Variants in ROBO2 observed in about 807,000 individuals in gnomAD.
ROBO2 encodes the protein roundabout guidance receptor 2.
A neutral mutation model predicts 160.8 loss-of-function variants in ROBO2; 53 were observed. That is an observed-to-expected ratio of 0.33 (90% CI 0.26 to 0.41). The LOEUF (loss-of-function observed/expected upper bound fraction) is 0.41, where lower values mean the gene tolerates loss of function less well. ROBO2 is among the 10% of genes least tolerant of loss of function. The probability of loss-of-function intolerance (pLI) is 1.00; values close to 1 mark genes in which losing one functional copy is unlikely to be tolerated. For synonymous variants in ROBO2, 664 were observed against 611.7 expected (o/e 1.09, Z -1.26); for missense variants, 1,577 against 1,722.4 (o/e 0.92, Z 1.49).
chr3:76,167,968 T>C (rs952765212), intron 2 of ROBO2, among the ~76,000 whole-genome samples: 1 of 152,202 alleles, frequency 6.6e-6, no homozygotes, highest in Non-Finnish European at 1.5e-5. Flanking sequence ...GAAGCGCTGG[T>C]AGTGGCTGTG....
intron 2 of ROBO2, among the ~76,000 whole-genome samples, chr3:76,262,655 A>C (rs1334286309): frequency 6.6e-6 from 1 of 152,162 alleles, no homozygotes; most frequent in Non-Finnish European, 1.5e-5. Flanking sequence ...TGAAAAAGTT[A>C]AACTTATTGC....
chr3:76,246,659 T>C (rs984618892), intron 2 of ROBO2, among the ~76,000 whole-genome samples: 1 of 152,148 alleles, frequency 6.6e-6, no homozygotes. Context: ...GTGCATAATT[T>C]TTCCCACCCA....
intron 1 of ROBO2, among the ~76,000 whole-genome samples, chr3:75,930,909 A>G (rs918815142): frequency 3.5e-4 from 53 of 152,192 alleles, no homozygotes; most frequent in Admixed American, 1.5e-3. Flanking sequence ...ATCCTTAGTC[A>G]ACCTACTTTA....
intron 2 of ROBO2, among the ~76,000 whole-genome samples, chr3:77,237,912 T>A (rs769860554): frequency 6.6e-6 from 1 of 152,172 alleles, no homozygotes; most frequent in African/African-American, 2.4e-5. Flanking sequence ...GGTGGTGGTG[T>A]TGTTCTGTAT....
intron 2 of ROBO2, among the ~76,000 whole-genome samples, chr3:76,933,368 CTTAT>C (rs1439312712): frequency 6.6e-6 from 1 of 152,114 alleles, no homozygotes. Context: ...TTAGAACTTG[CTTAT>C]TTGTCTTTTG....
intron 2 of ROBO2, among the ~76,000 whole-genome samples, chr3:76,533,691 A>C (rs950778430): frequency 1.3e-5 from 2 of 152,118 alleles, no homozygotes; most frequent in Non-Finnish European, 2.9e-5. Context: ...AAAGGGAGAT[A>C]GGGGAGGGGC....
intron 2 of ROBO2, among the ~76,000 whole-genome samples, chr3:77,099,574 A>G (rs1382112671): frequency 6.6e-6 from 1 of 152,220 alleles, no homozygotes; most frequent in Non-Finnish European, 1.5e-5. Context: ...TGATACTTCA[A>G]AAAGCCCTCA....
chr3:76,943,021 A>G (rs1490740306), intron 2 of ROBO2, among the ~76,000 whole-genome samples: 1 of 152,224 alleles, frequency 6.6e-6, no homozygotes, highest in Non-Finnish European at 1.5e-5. Flanking sequence ...GTGTAGAGAA[A>G]TAGACTTTAG....
intron 2 of ROBO2, among the ~76,000 whole-genome samples, chr3:77,099,340 A>G (rs2071583868): frequency 6.6e-6 from 1 of 151,950 alleles, no homozygotes; most frequent in Non-Finnish European, 1.5e-5. Flanking sequence ...AGCTATCCCA[A>G]TGAAGTTTTT....
At chr3:77,408,443 G>A (rs1437745246) in intron 2 of ROBO2, among the ~76,000 whole-genome samples, 1 of 152,140 alleles carries the variant, frequency 6.6e-6, no homozygotes, top group African/African-American at 2.4e-5. Context: ...TCTTGCCAAA[G>A]ACATTTCATT....
chr3:76,361,115 G>T (rs2075491256), intron 2 of ROBO2, among the ~76,000 whole-genome samples: 1 of 151,956 alleles, frequency 6.6e-6, no homozygotes, highest in Non-Finnish European at 1.5e-5. Flanking sequence ...CATAAGCGCT[G>T]CAAGTTAGAA....
chr3:76,489,084 CAAAAAAA>C (rs67454494), intron 2 of ROBO2, among the ~76,000 whole-genome samples: 57 of 60,134 alleles, frequency 9.5e-4, no homozygotes, highest in Non-Finnish European at 1.6e-3. Context: ...GACTCTGTCT[CAAAAAAA>C]AAAAAAAAAA....
At chr3:75,954,296 C>T (rs1167475812) in intron 2 of ROBO2, among the ~76,000 whole-genome samples, 3 of 151,834 alleles carry the variant, frequency 2.0e-5, no homozygotes, top group Admixed American at 6.6e-5. Flanking sequence ...AGCTATAAGG[C>T]TGTGTCTTTA....
chr3:77,253,144 C>T (rs2090570207), intron 2 of ROBO2, among the ~76,000 whole-genome samples: 1 of 151,940 alleles, frequency 6.6e-6, no homozygotes, highest in South Asian at 2.1e-4. Context: ...GTCAGATGCT[C>T]ATATCTGATT....
chr3:76,942,360 A>T (rs184134606), intron 2 of ROBO2, among the ~76,000 whole-genome samples: 36 of 152,350 alleles, frequency 2.4e-4, no homozygotes, highest in Admixed American at 2.2e-3. Flanking sequence ...ATGCGAATCT[A>T]ACAACCAGCC....
chr3:76,297,394 C>A (rs972843045), intron 2 of ROBO2, among the ~76,000 whole-genome samples: 28 of 152,208 alleles, frequency 1.8e-4, no homozygotes, highest in Admixed American at 4.6e-4. Flanking sequence ...CTCCATTTCC[C>A]TGGTCATCTC....
intron 2 of ROBO2, among the ~76,000 whole-genome samples, chr3:77,185,460 A>G (rs1579756836): frequency 1.3e-5 from 2 of 151,950 alleles, no homozygotes; most frequent in African/African-American, 4.8e-5. Context: ...TAACAAAACC[A>G]CAATGTAATA....
intron 2 of ROBO2, among the ~76,000 whole-genome samples, chr3:77,180,502 C>G (rs1170597549): frequency 7.3e-6 from 1 of 137,250 alleles, no homozygotes; most frequent in Non-Finnish European, 1.5e-5. Flanking sequence ...GTGGGATGAT[C>G]TCGGCTCACT....
intron 2 of ROBO2, among the ~76,000 whole-genome samples, chr3:77,315,856 G>A (rs575424276): frequency 1.8e-4 from 28 of 152,128 alleles, no homozygotes; most frequent in Non-Finnish European, 3.5e-4. Context: ...AAAAGAGCCA[G>A]GGTTTTTTGC....
Sources: gnomAD v4.1 joint callset for allele counts (sites outside exome capture counted in the v4.1 genomes callset) on GRCh38, gnomAD v4.1.1 for gene constraint, MANE v1.5 for transcripts, NCBI Gene and HGNC (gene_info 2026-07-23, HGNC 2026-07-21) for gene names.